Variants in ADGRL4 observed in about 807,000 individuals in gnomAD.
The protein encoded by ADGRL4 is adhesion G protein-coupled receptor L4, also known as EGF, latrophilin and seven transmembrane domain containing 1.
A neutral mutation model predicts 74.8 loss-of-function variants in ADGRL4; 90 were observed. The observed-to-expected ratio is 1.20, with a 90% CI of 1.02 to 1.43. The LOEUF (loss-of-function observed/expected upper bound fraction) is 1.43, where lower values mean the gene tolerates loss of function less well. ADGRL4 is among the 40% of genes most tolerant of loss of function. The pLI, the probability that ADGRL4 is intolerant of heterozygous loss-of-function variation, is 0.00. For missense variants in ADGRL4, 881 were observed against 814.3 expected, an observed-to-expected ratio of 1.08 and a Z score of -1.00; for synonymous variants, 311 against 279.2, an observed-to-expected ratio of 1.11 and a Z score of -1.14.
At chr1:78,984,259 A>C (rs1650451514) in intron 2 of ADGRL4, among the ~76,000 whole-genome samples, 1 of 151,816 alleles carries the variant, frequency 6.6e-6, no homozygotes, top group Non-Finnish European at 1.5e-5. Flanking sequence ...ATACTGAACT[A>C]TAAAACTAAT....
rs112125498 is a variant in ADGRL4, at chr1:78,957,484, C to A, written c.173-11058G>T. On this transcript the variant is annotated intron_variant, in intron 2 of 14. Coordinates refer to ENST00000370742, the MANE Select transcript of ADGRL4 (RefSeq NM_022159.4). ...AAGTGAAAAAGCCTTATTGTTGATA[C>A]GGTGAAAGTTTTAGTTGTCTGCATA... Among the ~76,000 whole-genome samples the A allele has an allele frequency of 2.0e-5, 3 of 152,238 alleles. No individual in the cohort carries two copies. The South Asian group carries it at 6.2e-4, about 32-fold the overall frequency.
chr1:78,919,019 A>T (rs1376399857), intron 10 of ADGRL4, among the ~76,000 whole-genome samples: 2 of 151,962 alleles, frequency 1.3e-5, no homozygotes, highest in Admixed American at 1.3e-4. Context: ...GGAACTAGGC[A>T]TTGGAGGATA....
intron 2 of ADGRL4, among the ~76,000 whole-genome samples, chr1:78,948,498 A>G (rs1649658500): frequency 6.6e-6 from 1 of 152,102 alleles, no homozygotes; most frequent in Admixed American, 6.6e-5. Context: ...AATGCCCCTA[A>G]AGCACAGCAT....
chr1:78,921,196 G>A (rs562048200), intron 9 of ADGRL4, among the ~76,000 whole-genome samples: 3 of 151,502 alleles, frequency 2.0e-5, no homozygotes, highest in Non-Finnish European at 4.4e-5. Flanking sequence ...AAAACATGAT[G>A]TTAGTTATAA....
chr1:78,907,003 T>A (rs1158895094), intron 12 of ADGRL4, among the ~76,000 whole-genome samples: 1 of 151,974 alleles, frequency 6.6e-6, no homozygotes, highest in East Asian at 1.9e-4. Flanking sequence ...TATCCCCATC[T>A]ACATATCAGA....
chr1:78,945,181 T>G (rs866172565), intron 3 of ADGRL4, among the ~76,000 whole-genome samples: 1 of 124,652 alleles, frequency 8.0e-6, no homozygotes, highest in Admixed American at 8.3e-5. Flanking sequence ...AAAAAAAATA[T>G]ATATATATAT....
intron 12 of ADGRL4, among the ~76,000 whole-genome samples, chr1:78,897,820 C>T (rs182917989): frequency 6.6e-6 from 1 of 152,206 alleles, no homozygotes; most frequent in East Asian, 1.9e-4. Context: ...CCCCTAATGT[C>T]ATATTAAAAT....
At chr1:78,938,367 G>C in intron 4 of ADGRL4, 88 bp from the exon 5 acceptor site, 1 of 1,154,920 alleles carries the variant, frequency 8.7e-7, no homozygotes, top group Non-Finnish European at 1.2e-6. Context: ...AATTTACCCT[G>C]AGGTTGGTTT....
intron 12 of ADGRL4, among the ~76,000 whole-genome samples, chr1:78,902,302 A>G (rs960620868): frequency 1.3e-5 from 2 of 152,140 alleles, no homozygotes; most frequent in African/African-American, 4.8e-5. Context: ...AGTGCTTTCT[A>G]TGTGCCAGAT....
chr1:78,975,003 T>C (rs143615628), intron 2 of ADGRL4, among the ~76,000 whole-genome samples: 94 of 152,308 alleles, frequency 6.2e-4, no homozygotes, highest in African/African-American at 2.1e-3. Flanking sequence ...CCTATCATAG[T>C]TACCTGTTTC....
chr1:78,949,843 A>G (rs1570249021), intron 2 of ADGRL4, among the ~76,000 whole-genome samples: 1 of 152,130 alleles, frequency 6.6e-6, no homozygotes, highest in East Asian at 1.9e-4. Context: ...AAATACAATT[A>G]TATTGTAGAT....
chr1:78,923,543 G>A (rs1649044549), intron 8 of ADGRL4, among the ~76,000 whole-genome samples: 1 of 151,922 alleles, frequency 6.6e-6, no homozygotes, highest in South Asian at 2.1e-4. Flanking sequence ...CCAGACATCT[G>A]AGGACAAGCT....
chr1:78,920,376 T>A lies in ADGRL4; in HGVS notation c.1268A>T (p.Asp423Val). 6.4e-7 allele frequency: 1 copy of A among 1,572,156 alleles called. No homozygotes were observed. Among genetic ancestry groups the A allele is most frequent in the South Asian group, 1.1e-5 (1 of 89,664 alleles). Reference protein sequence around the residue: ...MSSGPSIGIKDYNILTRITQL... With the variant: ...MSSGPSIGIKVYNILTRITQL... Reference sequence around the variant, plus strand: ...AGTGATCCTTGTAAGAATATTATAATCTTTAATACCCTAAGGGAAAATAAT... The same window carrying A: ...AGTGATCCTTGTAAGAATATTATAAACTTTAATACCCTAAGGGAAAATAAT... The change falls in exon 10 of 15, where the codon GAT becomes GTT. Residue 423 changes from aspartate to valine, a missense_variant. Physicochemically the swap from Asp to Val is radical, Grantham distance 152 (BLOSUM62 -3). Transcript: ENST00000370742.
chr1:78,962,398 C>T (rs1462316063), intron 2 of ADGRL4, among the ~76,000 whole-genome samples: 1 of 152,142 alleles, frequency 6.6e-6, no homozygotes, highest in East Asian at 1.9e-4. Context: ...TATTCTCCTA[C>T]AATAAATATG....
intron 2 of ADGRL4, among the ~76,000 whole-genome samples, chr1:78,980,992 G>T (rs1005459005): frequency 6.6e-6 from 1 of 151,960 alleles, no homozygotes; most frequent in African/African-American, 2.4e-5. Context: ...AGACATTTGT[G>T]CAGTGTAGCC....
rs1473750482 is a variant in ADGRL4, at chr1:78,917,624, A to T, written c.1749+10T>A. ...TTTTGAATTGTAATAACAATTTTAT[A>T]TATACATACAAGAATGATTAGGCAT... On this transcript the variant is annotated intron_variant, in intron 12 of 14. Transcript: ENST00000370742. The T allele has an allele frequency of 6.4e-7, 1 of 1,556,858 alleles. No individual in the cohort carries two copies. The highest frequency in any genetic ancestry group is 8.7e-7 in the Non-Finnish European group (1 of 1,144,402).
intron 2 of ADGRL4, among the ~76,000 whole-genome samples, chr1:78,978,904 T>G (rs964275761): frequency 2.0e-5 from 3 of 151,970 alleles, no homozygotes; most frequent in Admixed American, 6.6e-5. Context: ...ATAAATACAC[T>G]GATAATCTAA....
chr1:78,925,498 G>T (rs1570232514), intron 8 of ADGRL4, among the ~76,000 whole-genome samples: 1 of 151,906 alleles, frequency 6.6e-6, no homozygotes, highest in East Asian at 1.9e-4. Flanking sequence ...TCAAATCGCA[G>T]ATAAATTATC....
intron 2 of ADGRL4, among the ~76,000 whole-genome samples, chr1:78,963,309 A>T (rs1318341615): frequency 6.6e-6 from 1 of 152,156 alleles, no homozygotes; most frequent in African/African-American, 2.4e-5. Flanking sequence ...GGTAATCAAA[A>T]ATCCACATTC....
Sources: allele counts gnomAD v4.1 joint callset (sites outside exome capture counted in the v4.1 genomes callset), GRCh38; gene constraint gnomAD v4.1.1; transcripts MANE v1.5; gene names NCBI Gene and HGNC (gene_info 2026-07-23, HGNC 2026-07-21).